SLIT3: variants seen among roughly 807,000 people sequenced by gnomAD.
The protein encoded by SLIT3 is slit guidance ligand 3, also known as slit homolog 3 protein.
A neutral mutation model predicts 184.0 loss-of-function variants in SLIT3; 68 were observed. The observed-to-expected ratio is 0.37, with a 90% CI of 0.30 to 0.45. SLIT3 has a LOEUF of 0.45. Among genes scored for constraint, SLIT3 ranks in the 20% least tolerant of loss-of-function variants. The pLI is 1.00. For synonymous variants in SLIT3, 831 were observed against 828.6 expected, an observed-to-expected ratio of 1.00 and a Z score of -0.05; for missense variants, 1,707 against 2,026.0, an observed-to-expected ratio of 0.84 and a Z score of 3.02.
At chr5:168,787,648 C>G (rs1167728745) in intron 11 of SLIT3, among the ~76,000 whole-genome samples, 1 of 152,106 alleles carries the variant, frequency 6.6e-6, no homozygotes, top group Non-Finnish European at 1.5e-5. Context: ...TTTTCTGCCT[C>G]CCTCCCCCGC....
intron 6 of SLIT3, among the ~76,000 whole-genome samples, chr5:168,841,721 T>C (rs1181457540): frequency 2.0e-5 from 3 of 152,188 alleles, no homozygotes; most frequent in African/African-American, 2.4e-5. Context: ...ACAGGAGGGA[T>C]GGAATAACAG....
intron 4 of SLIT3, among the ~76,000 whole-genome samples, chr5:169,099,898 T>G (rs1759941691): frequency 6.6e-6 from 1 of 152,212 alleles, no homozygotes; most frequent in Admixed American, 6.5e-5. Flanking sequence ...ATCTGCCAGC[T>G]GGAAGAGGCA....
At chr5:169,036,861 G>A (rs959983590) in intron 4 of SLIT3, among the ~76,000 whole-genome samples, 3 of 152,140 alleles carry the variant, frequency 2.0e-5, no homozygotes, top group Non-Finnish European at 4.4e-5. Flanking sequence ...CGGGACCAGA[G>A]AGCAAAGCGC....
At chr5:168,785,507 C>T (rs1756122667) in intron 12 of SLIT3, among the ~76,000 whole-genome samples, 2 of 152,240 alleles carry the variant, frequency 1.3e-5, no homozygotes, top group African/African-American at 4.8e-5. Context: ...ACATGTCCAT[C>T]AGCAGCTGTG....
chr5:169,156,493 T>A (rs1333727140), intron 4 of SLIT3, among the ~76,000 whole-genome samples: 1 of 152,206 alleles, frequency 6.6e-6, no homozygotes, highest in African/African-American at 2.4e-5. Context: ...GCAGACGTAT[T>A]CCCTGGCTGT....
chr5:169,082,767 G>A (rs1038307934), intron 4 of SLIT3, among the ~76,000 whole-genome samples: 1 of 152,204 alleles, frequency 6.6e-6, no homozygotes, highest in African/African-American at 2.4e-5. Context: ...CTTCTCTTTT[G>A]TAAGAGCCAT....
chr5:168,964,796 C>T (rs1051484340), intron 4 of SLIT3, among the ~76,000 whole-genome samples: 1 of 152,114 alleles, frequency 6.6e-6, no homozygotes, highest in Non-Finnish European at 1.5e-5. Context: ...GCAAAGGGAC[C>T]CCTTTGCCAT....
At position 169,085,748 on chromosome 5, in the gene SLIT3, G is replaced by A. The variant is rs145355873; in HGVS notation, c.413+107731C>T. Among the ~76,000 whole-genome samples, 361 of 152,240 alleles carry A rather than the reference G, an allele frequency of 2.4e-3. 2 individuals are homozygous for A. Among genetic ancestry groups the A allele is most frequent in the African/African-American group, 8.5e-3 (354 of 41,532 alleles). Reference sequence around the variant, plus strand: ...CATGCAATGCCTACGCTCTGTCATCGCTCTCATTTCTGGAGTAATGAAAGG... The same window carrying A: ...CATGCAATGCCTACGCTCTGTCATCACTCTCATTTCTGGAGTAATGAAAGG... On this transcript the variant is annotated intron_variant, in intron 4 of 35. Coordinates refer to ENST00000519560, the MANE Select transcript of SLIT3 (RefSeq NM_003062.4).
chr5:169,090,030 G>C (rs1262530481), intron 4 of SLIT3, among the ~76,000 whole-genome samples: 12 of 152,146 alleles, frequency 7.9e-5, no homozygotes, highest in Admixed American at 7.9e-4. Flanking sequence ...GTGTATGCAG[G>C]TGACAAGAGA....
At position 169,085,228 on chromosome 5, in the gene SLIT3, G is replaced by A. The variant is rs147545651; in HGVS notation, c.413+108251C>T. On this transcript the variant is annotated intron_variant, in intron 4 of 35. Transcript: ENST00000519560. ...CTGACTCTCAGAGCCAGAGCAGGTCGGCTGGAAACACATGTGGCTTATTAC... is the reference window on the plus strand; with the variant it reads ...CTGACTCTCAGAGCCAGAGCAGGTCAGCTGGAAACACATGTGGCTTATTAC... 9.4e-3 allele frequency among the ~76,000 whole-genome samples: 1,424 copies of A among 152,240 alleles called. 8 individuals are homozygous for A. Among genetic ancestry groups the A allele is most frequent in the Non-Finnish European group, 0.014 (972 of 68,016 alleles).
At chr5:169,266,161 A>G (rs1452044274) in intron 1 of SLIT3, among the ~76,000 whole-genome samples, 1 of 152,190 alleles carries the variant, frequency 6.6e-6, no homozygotes, top group African/African-American at 2.4e-5. Context: ...CCTGTTCTCA[A>G]AACACTTCCC....
chr5:169,034,346 T>C (rs1034496949), intron 4 of SLIT3, among the ~76,000 whole-genome samples: 29 of 152,364 alleles, frequency 1.9e-4, no homozygotes, highest in African/African-American at 6.7e-4. Context: ...CAGGAGCTTT[T>C]TCCCCGTGTT....
Position 168,940,480 on chromosome 5 carries a change from C to T in SLIT3, c.414-57144G>A, listed in dbSNP as rs116018676. Among the ~76,000 whole-genome samples the T allele has an allele frequency of 9.4e-3, 1,438 of 152,222 alleles. 20 individuals carry two copies. The highest frequency in any genetic ancestry group is 0.033 in the African/African-American group (1,366 of 41,538). On this transcript the variant is annotated intron_variant, in intron 4 of 35. Coordinates refer to ENST00000519560, the MANE Select transcript of SLIT3 (RefSeq NM_003062.4). ...AAGAAAAAAAACTAAATCTCCTAGA[C>T]ACATAAAATTATAAAGTATCTTTAT...
At chr5:168,744,545 G>A (rs1238094151) in intron 20 of SLIT3, among the ~76,000 whole-genome samples, 1 of 152,196 alleles carries the variant, frequency 6.6e-6, no homozygotes, top group African/African-American at 2.4e-5. Flanking sequence ...AGGGCAGGCT[G>A]ACTTTCTTGT....
At chr5:168,842,236 T>C (rs1758279644) in intron 6 of SLIT3, among the ~76,000 whole-genome samples, 1 of 152,096 alleles carries the variant, frequency 6.6e-6, no homozygotes, top group Non-Finnish European at 1.5e-5. Context: ...TAAAAACCCA[T>C]GGAATAACTG....
In SLIT3 at chr5:168,707,769, G is replaced by C. The variant is rs536348044; in HGVS notation, c.2844+207C>G. On this transcript the variant is annotated intron_variant, in intron 26 of 35. Transcript: ENST00000519560. ...CTGGACATCCTTGTCAAGACCATATGGGGGCCTCTCTGACTGGCAGCTCCC... is the reference window on the plus strand; with the variant it reads ...CTGGACATCCTTGTCAAGACCATATCGGGGCCTCTCTGACTGGCAGCTCCC... 1.5e-4 allele frequency: 87 copies of C among 562,108 alleles called. No individual in the cohort carries two copies. The East Asian group carries it at 2.5e-3, about 16-fold the overall frequency. The allele number at this position is 562,108 out of a possible 1,614,324, so 34.8% of individuals were successfully genotyped here. A position where few individuals can be genotyped will look rare whatever the true frequency, so the allele number is the denominator to read the frequency against.
chr5:168,981,776 T>G (rs893969668), intron 4 of SLIT3, among the ~76,000 whole-genome samples: 2 of 152,230 alleles, frequency 1.3e-5, no homozygotes, highest in Admixed American at 1.3e-4. Context: ...GTAAAGCACA[T>G]TATTCTTAGA....
chr5:168,886,246 A>T (rs1760205562), intron 4 of SLIT3, among the ~76,000 whole-genome samples: 1 of 152,164 alleles, frequency 6.6e-6, no homozygotes, highest in South Asian at 2.1e-4. Flanking sequence ...TGATTTCATA[A>T]ATACCTCCAG....
chr5:168,736,083 T>C (rs904058582), intron 20 of SLIT3, among the ~76,000 whole-genome samples: 1 of 152,166 alleles, frequency 6.6e-6, no homozygotes, highest in Admixed American at 6.5e-5. Flanking sequence ...CCTGATCTGG[T>C]CGGTTTTCTT....
Sources: allele counts gnomAD v4.1 joint callset (sites outside exome capture counted in the v4.1 genomes callset), GRCh38; gene constraint gnomAD v4.1.1; transcripts MANE v1.5; gene names NCBI Gene and HGNC (gene_info 2026-07-23, HGNC 2026-07-21).